RAB38: variants seen among roughly 807,000 people sequenced by gnomAD.
RAB38 encodes RAB38, member RAS oncogene family, also known as ras-related protein Rab-38.
A neutral mutation model predicts 18.4 loss-of-function variants in RAB38; 15 were observed. The observed-to-expected ratio is 0.82, with a 90% CI of 0.55 to 1.26. RAB38 has a LOEUF of 1.26. Among genes scored for constraint, RAB38 ranks in the 50% most tolerant of loss-of-function variants. The pLI is 0.00. For missense variants in RAB38, 294 were observed against 267.4 expected (o/e 1.10, Z -0.69); for synonymous variants, 101 against 104.4 (o/e 0.97, Z 0.20).
At chr11:88,027,073 A>G in the RAB38 span, among the ~76,000 whole-genome samples, 2 of 152,214 alleles carry the variant, frequency 1.3e-5, no homozygotes, top group Non-Finnish European at 2.9e-5. Flanking sequence ...TTTGATAACA[A>G]TCAGACCATT....
chr11:88,158,056 G>C (rs193219507), intron 1 of RAB38, among the ~76,000 whole-genome samples: 1 of 152,006 alleles, frequency 6.6e-6, no homozygotes, highest in Non-Finnish European at 1.5e-5. Flanking sequence ...GAAAAAAAGG[G>C]AGAAGATCCA....
At chr11:88,051,426 G>A in the RAB38 span, among the ~76,000 whole-genome samples, 1 of 151,828 alleles carries the variant, frequency 6.6e-6, no homozygotes, top group Non-Finnish European at 1.5e-5. Context: ...ACCATACTAG[G>A]TGGAGCACAA....
the RAB38 span, among the ~76,000 whole-genome samples, chr11:88,013,934 C>T: frequency 1.3e-5 from 2 of 152,042 alleles, no homozygotes; most frequent in Non-Finnish European, 2.9e-5. Flanking sequence ...ATAAATAATA[C>T]CAGAATAGCA....
chr11:88,124,551 A>AGCTAAC (rs1942669475), intron 2 of RAB38, among the ~76,000 whole-genome samples: 1 of 152,234 alleles, frequency 6.6e-6, no homozygotes, highest in South Asian at 2.1e-4. Context: ...CATCAGAGAG[A>AGCTAAC]TACTAGCTAA....
chr11:87,833,727 C>T, the RAB38 span, among the ~76,000 whole-genome samples: 2 of 152,084 alleles, frequency 1.3e-5, no homozygotes, highest in Non-Finnish European at 2.9e-5. Context: ...TAGAAGAACC[C>T]AAGGAATCCA....
the RAB38 span, among the ~76,000 whole-genome samples, chr11:87,951,625 C>T: frequency 0.011 from 1,647 of 152,170 alleles, 27 homozygotes; most frequent in African/African-American, 0.035. Context: ...AGACAGGACC[C>T]CCAGCTGCAG....
intron 2 of RAB38, among the ~76,000 whole-genome samples, chr11:88,147,650 T>C (rs1943006799): frequency 6.6e-6 from 1 of 151,008 alleles, no homozygotes; most frequent in African/African-American, 2.4e-5. Context: ...CCCAGCACTT[T>C]GGGAGGCTGA....
At chr11:87,855,893 G>A in the RAB38 span, among the ~76,000 whole-genome samples, 2 of 151,964 alleles carry the variant, frequency 1.3e-5, no homozygotes, top group African/African-American at 4.8e-5. Context: ...ATTTGTTTGT[G>A]TATCTTTTTA....
chr11:87,896,162 G>A, the RAB38 span, among the ~76,000 whole-genome samples: 7 of 151,826 alleles, frequency 4.6e-5, no homozygotes, highest in Non-Finnish European at 3.0e-5. Context: ...GTCAGACAGA[G>A]CTGAATTAAA....
the RAB38 span, among the ~76,000 whole-genome samples, chr11:87,920,693 G>A: frequency 1.3e-5 from 2 of 152,004 alleles, no homozygotes; most frequent in African/African-American, 4.8e-5. Flanking sequence ...TTTTCCTACA[G>A]ATTTTCTCTC....
chr11:87,940,004 CAAAAGGGA>C, the RAB38 span, among the ~76,000 whole-genome samples: 1 of 151,028 alleles, frequency 6.6e-6, no homozygotes, highest in African/African-American at 2.4e-5. Flanking sequence ...AAGAGAAGAG[CAAAAGGGA>C]ATAAAATAAA....
chr11:87,850,288 G>A, the RAB38 span, among the ~76,000 whole-genome samples: 3 of 152,006 alleles, frequency 2.0e-5, no homozygotes, highest in Admixed American at 6.6e-5. Context: ...GAAAAAGGTC[G>A]TTCTTCTCTC....
chr11:87,970,692 G>T, the RAB38 span, among the ~76,000 whole-genome samples: 9 of 152,074 alleles, frequency 5.9e-5, no homozygotes, highest in Non-Finnish European at 8.8e-5. Context: ...AGTTGGAGAA[G>T]GGCGCTAGGG....
the RAB38 span, among the ~76,000 whole-genome samples, chr11:87,953,855 GT>G: frequency 0.041 from 5,611 of 136,160 alleles, 307 homozygotes; most frequent in African/African-American, 0.13. Flanking sequence ...GTGTTTTAGT[GT>G]TTTTTTTTTT....
chr11:88,084,898 C>T, the RAB38 span, among the ~76,000 whole-genome samples: 2 of 151,970 alleles, frequency 1.3e-5, no homozygotes, highest in Non-Finnish European at 1.5e-5. Flanking sequence ...AGCAACTCTT[C>T]ACAGTAGGCA....
At chr11:87,955,819 C>A in the RAB38 span, among the ~76,000 whole-genome samples, 1 of 151,396 alleles carries the variant, frequency 6.6e-6, no homozygotes, top group Non-Finnish European at 1.5e-5. Flanking sequence ...TGGGGTCATG[C>A]CTCATAACTC....
At chr11:88,066,015 C>T in the RAB38 span, among the ~76,000 whole-genome samples, 6 of 152,202 alleles carry the variant, frequency 3.9e-5, no homozygotes, top group Admixed American at 3.9e-4. Context: ...GTGAACCCAA[C>T]TCTGCAAAGG....
the RAB38 span, among the ~76,000 whole-genome samples, chr11:88,087,807 C>T: frequency 1.1e-4 from 17 of 152,024 alleles, no homozygotes; most frequent in African/African-American, 4.1e-4. Context: ...CTAGGGATTG[C>T]TTTCATCACC....
At chr11:88,033,767 GC>G in the RAB38 span, among the ~76,000 whole-genome samples, 4 of 120,276 alleles carry the variant, frequency 3.3e-5, no homozygotes, top group Admixed American at 2.3e-4. Flanking sequence ...TCGCTCTGTC[GC>G]CCAGGCTGGA....
Sources: allele counts gnomAD v4.1 joint callset (sites outside exome capture counted in the v4.1 genomes callset), GRCh38; gene constraint gnomAD v4.1.1; transcripts MANE v1.5; gene names NCBI Gene and HGNC (gene_info 2026-07-23, HGNC 2026-07-21).